SRSF2: variants seen among roughly 807,000 people sequenced by gnomAD.
SRSF2 encodes the protein serine and arginine rich splicing factor 2, also known as serine/arginine-rich splicing factor 2.
SRSF2 carries 4 observed loss-of-function variants against 15.7 expected under a neutral mutation model. That is an observed-to-expected ratio of 0.26 (90% CI 0.13 to 0.58). The LOEUF is 0.58. SRSF2 is among the 20% of genes least tolerant of loss of function. SRSF2 has a pLI of 0.90. For missense variants in SRSF2, 147 were observed against 332.4 expected (o/e 0.44, Z 4.34); for synonymous variants, 192 against 138.9 (o/e 1.38, Z -2.69).
rs2077392147 is a variant in SRSF2 at position 76,735,010 on chromosome 17, C to T, written c.*156G>A. Reference sequence around the variant, plus strand: ...TGGCACATAAAATGAAGTTTGCCAACTGAGGCAAAGCTTAAACAAGTAAAA... The same window carrying T: ...TGGCACATAAAATGAAGTTTGCCAATTGAGGCAAAGCTTAAACAAGTAAAA... On this transcript the variant is annotated 3_prime_UTR_variant, in exon 3 of 3. Transcript: ENST00000359995. The T allele has an allele frequency of 9.0e-6, 2 of 222,606 alleles. No homozygotes were observed. The highest frequency in any genetic ancestry group is 9.0e-6 in the Non-Finnish European group (1 of 110,774). The allele number at this position is 222,606 out of a possible 1,614,324, so 13.8% of individuals were successfully genotyped here.
intron 2 of SRSF2, chr17:76,735,722 C>T (rs1416762242): frequency 3.1e-6 from 1 of 319,358 alleles, no homozygotes; most frequent in Non-Finnish European, 6.1e-6. Flanking sequence ...AATAGTTGAA[C>T]TGATTGTTTC....
Position 76,737,313 on chromosome 17 carries a change from G to T in SRSF2, c.-153C>A. The T allele has an allele frequency of 9.1e-7, 1 of 1,095,160 alleles. No homozygotes were observed. Among genetic ancestry groups the T allele is most frequent in the Non-Finnish European group, 1.3e-6 (1 of 796,054 alleles). 67.8% of individuals were successfully genotyped at this position (1,095,160 alleles called of 1,614,324 possible). On this transcript the variant is annotated 5_prime_UTR_variant, in exon 1 of 3. Coordinates refer to ENST00000359995, the MANE Select transcript of SRSF2 (RefSeq NM_001195427.2). ...CAGCACGGACGGGCTCCGCAGGCTA[G>T]CGCACCTGAGTAACAACTGGGCGGG...
Position 76,737,014 on chromosome 17 carries a change from G to C in SRSF2, c.147C>G (p.Arg49=), listed in dbSNP as rs759702439. The C allele has an allele frequency of 6.2e-7, 1 of 1,613,454 alleles. No homozygotes were observed. The highest frequency in any genetic ancestry group is 1.7e-5 in the Admixed American group (1 of 59,996). The change falls in exon 1 of 3, where the codon CGC becomes CGG. Residue 49 remains arginine, a synonymous_variant. Coordinates refer to ENST00000359995, the MANE Select transcript of SRSF2 (RefSeq NM_001195427.2). The stretch of plus-strand genomic sequence containing the variant: ...CGAAGCCGCGGGACTCCTTGGTGTA[G>C]CGGTCCCGCGGGATGTACACGTCGC... The part of the protein sequence containing the change: ...RVGDVYIPRD[R]YTKESRGFAF...
chr17:76,734,679 C>CA lies in SRSF2; in HGVS notation c.*486dup, dbSNP rs2077381912. Reference sequence around the variant, plus strand: ...TTATACAAATTTGGGTTCAGATTACCATTTAGATCTGAAGGTAAATAACAT... The same window carrying CA: ...TTATACAAATTTGGGTTCAGATTACCAATTTAGATCTGAAGGTAAATAACAT... On this transcript the variant is annotated 3_prime_UTR_variant, in exon 3 of 3. Coordinates refer to ENST00000359995, the MANE Select transcript of SRSF2 (RefSeq NM_001195427.2). 4.3e-6 allele frequency: 1 copy of CA among 231,196 alleles called. No homozygotes were observed. The highest frequency in any genetic ancestry group is 8.9e-6 in the Non-Finnish European group (1 of 112,508). 14.3% of individuals were successfully genotyped at this position (231,196 alleles called of 1,614,324 possible). A position where few individuals can be genotyped will look rare whatever the true frequency, so the allele number is the denominator to read the frequency against.
At position 76,734,657 on chromosome 17, in the gene SRSF2, T is replaced by C. The variant is rs1043555741; in HGVS notation, c.*509A>G. ...AGTCTTTTCACCTGAAAAGTCTTTA[T>C]ACAAATTTGGGTTCAGATTACCATT... On this transcript the variant is annotated 3_prime_UTR_variant, in exon 3 of 3. Transcript: ENST00000359995. The C allele has an allele frequency of 1.2e-4, 27 of 230,212 alleles. No individual in the cohort carries two copies. The highest frequency in any genetic ancestry group is 4.7e-4 in the African/African-American group (21 of 45,034). 14.3% of individuals were successfully genotyped at this position (230,212 alleles called of 1,614,324 possible).
Position 76,736,457 on chromosome 17 carries a change from G to T in SRSF2, c.370C>A (p.Arg124=), listed in dbSNP as rs779043792. 12 of 1,611,054 alleles carry T rather than the reference G, an allele frequency of 7.4e-6. No homozygotes were observed. Among genetic ancestry groups the T allele is most frequent in the Non-Finnish European group, 1.0e-5 (12 of 1,179,840 alleles). The change falls in exon 2 of 3, where the codon CGG becomes AGG. Residue 124 remains arginine, a synonymous_variant. Transcript: ENST00000359995. ...GYGRRSRSPR[R]RRRSRSRSRS... ...CTCCGGGATCGGCTGCGGCGACGCC[G>T]CCTAGGGCTGCGGGCGGGACGAGCA...
intron 1 of SRSF2, 167 bp from the exon 2 acceptor site, chr17:76,736,631 G>A (rs2077500205): frequency 8.7e-7 from 1 of 1,152,268 alleles, no homozygotes; most frequent in East Asian, 3.2e-5. Flanking sequence ...CCACTCCCGG[G>A]TCGCAGACGG....
Position 76,735,149 on chromosome 17 carries a change from G to A in SRSF2, c.*17C>T, listed in dbSNP as rs1598423545. 4.6e-6 allele frequency: 1 copy of A among 219,262 alleles called. No homozygotes were observed. Among genetic ancestry groups the A allele is most frequent in the East Asian group, 6.7e-5 (1 of 14,864 alleles). The allele number at this position is 219,262 out of a possible 1,614,324, so 13.6% of individuals were successfully genotyped here. A position where few individuals can be genotyped will look rare whatever the true frequency, so the allele number is the denominator to read the frequency against. On this transcript the variant is annotated 3_prime_UTR_variant, in exon 3 of 3. Transcript: ENST00000359995. ...CCCAAGTCCTCCGTTTACACTGCTT[G>A]CCGATACATCTAGGTTTGAAAAGAA...
Position 76,736,244 on chromosome 17 carries a change from C to T in SRSF2, c.583G>A (p.Val195Met), listed in dbSNP as rs1219344819. The T allele has an allele frequency of 3.7e-6, 6 of 1,614,182 alleles. No homozygotes were observed. Among genetic ancestry groups the T allele is most frequent in the Non-Finnish European group, 5.1e-6 (6 of 1,180,028 alleles). ...CTGGATTTGGATTCCCTCTTGGACA[C>T]TGGGGGAGGACTCCTGGACCGAGAC... is the stretch of plus-strand genomic sequence containing the variant. ...SRSRSRSPPP[V>M]SKRESKSRSR... The change falls in exon 2 of 3, where the codon GTG becomes ATG. Residue 195 changes from valine to methionine, a missense_variant. This residue lies in a region of SRSF2 where 125 missense variants were observed against 185.1 expected (regional missense o/e 0.68). Transcript: ENST00000359995.
chr17:76,735,337 C>G (rs2077407198), intron 2 of SRSF2, 179 bp from the exon 3 acceptor site: 2 of 191,804 alleles, frequency 1.0e-5, no homozygotes, highest in Non-Finnish European at 2.1e-5. Context: ...TCAGCATGTA[C>G]AAGTTTGAAT....
intron 2 of SRSF2, 44 bp from the exon 3 acceptor site, chr17:76,735,202 T>C (rs1299817102): frequency 4.6e-6 from 1 of 219,404 alleles, no homozygotes; most frequent in Non-Finnish European, 9.2e-6. Flanking sequence ...TCCATTAAAG[T>C]GCACATGGTT....
rs749426771 is a variant in SRSF2 at position 76,736,437 on chromosome 17, G to A, written c.390C>T (p.Ser130=). The A allele has an allele frequency of 8.7e-6, 14 of 1,612,952 alleles. No individual in the cohort carries two copies. The highest frequency in any genetic ancestry group is 7.7e-5 in the South Asian group (7 of 91,082). Reference sequence around the variant, plus strand: ...GAGACCTGGAACGACTCCGACTCCGGGATCGGCTGCGGCGACGCCGCCTAG... The same window carrying A: ...GAGACCTGGAACGACTCCGACTCCGAGATCGGCTGCGGCGACGCCGCCTAG... ...RSPRRRRRSR[S]RSRSRSRSRS... is the part of the protein sequence containing the mutation. Residue 130 remains serine, a synonymous_variant, in exon 2 of 3, where the codon TCC becomes TCT. Coordinates refer to ENST00000359995, the MANE Select transcript of SRSF2 (RefSeq NM_001195427.2).
chr17:76,737,409 T>C, upstream of SRSF2: 2 of 444,592 alleles, frequency 4.5e-6, no homozygotes. Flanking sequence ...AATGAAACCT[T>C]CTGATTGGCC....
At chr17:76,736,643 G>A (rs2077502443) in intron 1 of SRSF2, 156 bp downstream of exon 1, 1 of 1,170,702 alleles carries the variant, frequency 8.5e-7, no homozygotes, top group Admixed American at 4.2e-5. Context: ...CGCAGACGGC[G>A]GAAGCTCGCG....
At chr17:76,737,397 G>A (rs1231379696), upstream of SRSF2, 8 of 503,270 alleles carry the variant, frequency 1.6e-5, no homozygotes, top group African/African-American at 3.9e-5. Flanking sequence ...GCGCCACCCG[G>A]AAATGAAACC....
chr17:76,736,740 T>G (rs1185208429), intron 1 of SRSF2, 59 bp downstream of exon 1: 2 of 1,386,798 alleles, frequency 1.4e-6, no homozygotes, highest in Non-Finnish European at 1.9e-6. Context: ...CTTTGTGAGG[T>G]CGCCCGGGCC....
At chr17:76,735,391 GGAAGAAAAAA>G (rs550620215) in intron 2 of SRSF2, 111 of 208,474 alleles carry the variant, frequency 5.3e-4, no homozygotes, top group Non-Finnish European at 9.8e-4. Flanking sequence ...AAAGGTAAGG[GGAAGAAAAAA>G]AAAGAAAAAA....
chr17:76,735,131 C>T lies in SRSF2; in HGVS notation c.*35G>A, dbSNP rs2077396266. ...ACTATGTGGTCCTTTTTCCCCAAGT[C>T]CTCCGTTTACACTGCTTGCCGATAC... On this transcript the variant is annotated 3_prime_UTR_variant, in exon 3 of 3. Coordinates refer to ENST00000359995, the MANE Select transcript of SRSF2 (RefSeq NM_001195427.2). 2 of 219,002 alleles carry T rather than the reference C, an allele frequency of 9.1e-6. No homozygotes were observed. Among genetic ancestry groups the T allele is most frequent in the East Asian group, 6.7e-5 (1 of 14,852 alleles). 13.6% of individuals were successfully genotyped at this position (219,002 alleles called of 1,614,324 possible). A position where few individuals can be genotyped will look rare whatever the true frequency, so the allele number is the denominator to read the frequency against.
chr17:76,736,088 CAAA>C, intron 2 of SRSF2, 63 bp downstream of exon 2: 2 of 1,484,018 alleles, frequency 1.3e-6, no homozygotes, highest in Non-Finnish European at 1.8e-6. Context: ...TAACACGACT[CAAA>C]AAGACCTACC....
Sources: allele counts gnomAD v4.1 joint callset, GRCh38; gene constraint gnomAD v4.1.1; regional missense constraint gnomAD v4.1.1; transcripts MANE v1.5; gene names NCBI Gene and HGNC (gene_info 2026-07-23, HGNC 2026-07-21).